SYT1: variants seen among roughly 807,000 people sequenced by gnomAD.
SYT1 encodes synaptotagmin 1.
In SYT1, 8 loss-of-function variants were observed where a neutral mutation model predicts 44.8. That is an observed-to-expected ratio of 0.18 (90% CI 0.10 to 0.32). SYT1 has a LOEUF of 0.32. SYT1 is among the 10% of genes least tolerant of loss of function. SYT1 has a pLI of 1.00. For missense variants in SYT1, 286 were observed against 509.3 expected (o/e 0.56, Z 4.22); for synonymous variants, 154 against 188.8 (o/e 0.82, Z 1.51).
intron 1 of SYT1, among the ~76,000 whole-genome samples, chr12:78,928,879 A>C (rs1877455483): frequency 6.6e-6 from 1 of 152,126 alleles, no homozygotes; most frequent in African/African-American, 2.4e-5. Flanking sequence ...CAAACCTTGA[A>C]CAAGAGGGGA....
chr12:79,094,890 C>T (rs569263665), intron 3 of SYT1, among the ~76,000 whole-genome samples: 22 of 151,830 alleles, frequency 1.4e-4, no homozygotes, highest in African/African-American at 5.1e-4. Context: ...AAAGTTAGAG[C>T]AAAAAGATAC....
At chr12:79,179,368 A>T (rs1173463274) in intron 3 of SYT1, among the ~76,000 whole-genome samples, 1 of 17,898 alleles carries the variant, frequency 5.6e-5, no homozygotes, top group Non-Finnish European at 1.1e-4. Flanking sequence ...ATAGATATAG[A>T]TATAGATATA....
intron 3 of SYT1, among the ~76,000 whole-genome samples, chr12:79,082,745 C>T (rs1002788041): frequency 1.3e-5 from 2 of 152,056 alleles, no homozygotes; most frequent in Non-Finnish European, 2.9e-5. Flanking sequence ...AGAATTTTTA[C>T]TTCATGAGCC....
At chr12:79,424,339 A>C (rs1162436460) in intron 9 of SYT1, among the ~76,000 whole-genome samples, 1 of 152,128 alleles carries the variant, frequency 6.6e-6, no homozygotes, top group Non-Finnish European at 1.5e-5. Context: ...TTTCTCTGAA[A>C]GTGCCTTTAC....
intron 3 of SYT1, among the ~76,000 whole-genome samples, chr12:79,061,928 T>C (rs959716420): frequency 6.6e-5 from 10 of 152,162 alleles, no homozygotes; most frequent in Admixed American, 5.2e-4. Context: ...TAATCTACCA[T>C]TCTGTAGAAG....
intron 9 of SYT1, among the ~76,000 whole-genome samples, chr12:79,441,285 TTTGTTG>T (rs746722709): frequency 9.9e-5 from 15 of 152,030 alleles, no homozygotes; most frequent in Admixed American, 5.2e-4. Context: ...TCAGCCCTGT[TTTGTTG>T]TTGTTGTTGT....
At chr12:79,412,606 C>G (rs553267963) in intron 9 of SYT1, among the ~76,000 whole-genome samples, 18 of 152,174 alleles carry the variant, frequency 1.2e-4, no homozygotes, top group African/African-American at 4.3e-4. Flanking sequence ...GTCTGACCAG[C>G]CACCTACTGT....
chr12:79,258,672 G>T (rs1877665907), intron 4 of SYT1, among the ~76,000 whole-genome samples: 1 of 152,124 alleles, frequency 6.6e-6, no homozygotes, highest in South Asian at 2.1e-4. Flanking sequence ...AAAGCATAAA[G>T]AAATGTACAG....
chr12:79,194,991 C>A (rs2138467754), intron 3 of SYT1, among the ~76,000 whole-genome samples: 1 of 152,264 alleles, frequency 6.6e-6, no homozygotes, highest in South Asian at 2.1e-4. Flanking sequence ...TTTAATAACA[C>A]AAATTCTGTT....
At chr12:79,046,011 C>G (rs111524113) in intron 2 of SYT1, among the ~76,000 whole-genome samples, 1 of 151,996 alleles carries the variant, frequency 6.6e-6, no homozygotes, top group African/African-American at 2.4e-5. Flanking sequence ...AAGAAGTGTC[C>G]GTATACTAAA....
intron 2 of SYT1, among the ~76,000 whole-genome samples, chr12:78,989,603 A>T (rs969673697): frequency 2.6e-5 from 4 of 152,110 alleles, no homozygotes; most frequent in Non-Finnish European, 5.9e-5. Context: ...TAGCTCTCTT[A>T]TCTGATTGGG....
chr12:79,366,054 C>G (rs955899952), intron 9 of SYT1, among the ~76,000 whole-genome samples: 1 of 152,146 alleles, frequency 6.6e-6, no homozygotes, highest in Admixed American at 6.5e-5. Context: ...TTTATAAAAA[C>G]AATTAAGCAT....
intron 3 of SYT1, among the ~76,000 whole-genome samples, chr12:79,054,246 C>T (rs771367133): frequency 6.6e-6 from 1 of 151,982 alleles, no homozygotes; most frequent in Non-Finnish European, 1.5e-5. Flanking sequence ...GCATATTTCA[C>T]CTTCCTATAT....
intron 1 of SYT1, among the ~76,000 whole-genome samples, chr12:78,920,945 T>A (rs1551846): frequency 6.6e-6 from 1 of 151,716 alleles, no homozygotes; most frequent in Admixed American, 6.6e-5. Context: ...CAGACTTGAG[T>A]CCATAGTTTT....
intron 8 of SYT1, among the ~76,000 whole-genome samples, chr12:79,312,956 A>G (rs533685658): frequency 2.6e-5 from 4 of 152,190 alleles, no homozygotes. Flanking sequence ...ATGTCACTCT[A>G]TGAATGTTGA....
chr12:79,338,117 C>T (rs887984410), intron 8 of SYT1, among the ~76,000 whole-genome samples: 1 of 152,096 alleles, frequency 6.6e-6, no homozygotes, highest in Admixed American at 6.5e-5. Flanking sequence ...GGCAATTGGC[C>T]ATTTGCCTGG....
intron 4 of SYT1, among the ~76,000 whole-genome samples, chr12:79,282,470 T>C (rs2138816197): frequency 6.6e-6 from 1 of 152,310 alleles, no homozygotes; most frequent in African/African-American, 2.4e-5. Flanking sequence ...TTAAGTTGAA[T>C]GTTAAAATTG....
At chr12:79,398,728 G>T (rs1183282247) in intron 9 of SYT1, among the ~76,000 whole-genome samples, 1 of 152,116 alleles carries the variant, frequency 6.6e-6, no homozygotes, top group Non-Finnish European at 1.5e-5. Flanking sequence ...TATTGATGAG[G>T]AAAATTTTCT....
intron 3 of SYT1, among the ~76,000 whole-genome samples, chr12:79,145,918 C>T (rs1196904843): frequency 4.0e-5 from 6 of 151,780 alleles, no homozygotes; most frequent in South Asian, 4.2e-4. Flanking sequence ...CCACTACGCC[C>T]GGCTAATTTT....
Sources: allele counts gnomAD v4.1 joint callset (sites outside exome capture counted in the v4.1 genomes callset), GRCh38; gene constraint gnomAD v4.1.1; transcripts MANE v1.5; gene names NCBI Gene and HGNC (gene_info 2026-07-23, HGNC 2026-07-21).